The following C1RL variants were observed in gnomAD, a reference collection of about 807,000 sequenced individuals.
C1RL encodes complement C1r subcomponent like.
A neutral mutation model predicts 27.9 loss-of-function variants in C1RL; 27 were observed. The observed-to-expected ratio is 0.97, with a 90% confidence interval of 0.71 to 1.33. The LOEUF (loss-of-function observed/expected upper bound fraction) is 1.33. C1RL is among the 40% of genes most tolerant of loss of function. C1RL has a pLI of 0.00. For synonymous variants in C1RL, 248 were observed against 252.1 expected (o/e 0.98, Z 0.15); for missense variants, 563 against 623.9 (o/e 0.90, Z 1.04).
intron 5 of C1RL, among the ~76,000 whole-genome samples, chr12:7,099,053 A>AAAAAT (rs1342294175): frequency 1.4e-5 from 2 of 147,118 alleles, no homozygotes; most frequent in African/African-American, 5.1e-5. Flanking sequence ...AAAAAAAAAA[A>AAAAAT]AAAATAAAAT....
rs141631026 is a variant in C1RL, at chr12:7,096,718, G to C, written c.1137C>G (p.Gly379=). 2.0e-4 allele frequency: 318 copies of C among 1,613,652 alleles called. No individual in the cohort carries two copies. Among genetic ancestry groups the C allele is most frequent in the Non-Finnish European group, 2.2e-4 (257 of 1,179,822 alleles). The change falls in exon 6 of 6, where the codon GGC becomes GGG. Residue 379 remains glycine, a synonymous_variant. Coordinates refer to ENST00000266542, the MANE Select transcript of C1RL (RefSeq NM_016546.4). ...CAGTAGTTAGCCAGCCCATCTCCAT[G>C]CCAAACCCACTGACGTAGCCCAACA... is the stretch of plus-strand genomic sequence containing the variant. The part of the protein sequence containing the change: ...SGLLGYVSGF[G]MEMGWLTTEL...
intron 3 of C1RL, 53 bp downstream of exon 3, chr12:7,101,845 G>C: frequency 6.4e-7 from 1 of 1,570,348 alleles, no homozygotes; most frequent in Non-Finnish European, 8.8e-7. Flanking sequence ...AGATACCAGG[G>C]TCATGGCTGG....
chr12:7,095,128 T>G lies in C1RL; in HGVS notation c.*1263A>C. On this transcript the variant is annotated 3_prime_UTR_variant, in exon 6 of 6. Transcript: ENST00000266542. ...TGTAAATCACCTCCAATCTTTTTTT[T>G]TTGGGGGGGATGAAGTCTTGGTCTG... 1 of 1,248,542 alleles carries G rather than the reference T, an allele frequency of 8.0e-7. No individual in the cohort carries two copies. The highest frequency in any genetic ancestry group is 1.6e-5 in the African/African-American group (1 of 62,696). The allele number at this position is 1,248,542 out of a possible 1,614,324, so 77.3% of individuals were successfully genotyped here.
intron 5 of C1RL, among the ~76,000 whole-genome samples, chr12:7,098,788 G>A (rs1283158478): frequency 1.3e-5 from 2 of 152,186 alleles, no homozygotes; most frequent in Non-Finnish European, 2.9e-5. Context: ...TGGTTGTCAG[G>A]GGAGAGTTGG....
chr12:7,096,696 T>C lies in C1RL; in HGVS notation c.1159A>G (p.Thr387Ala). Residue 387 changes from threonine to alanine, a missense_variant, in exon 6 of 6, where the codon ACT (threonine) becomes GCT (alanine). Coordinates refer to ENST00000266542, the MANE Select transcript of C1RL (RefSeq NM_016546.4). ...GGCAGCCTCGAGTACTTCAGCTCAG[T>C]AGTTAGCCAGCCCATCTCCATGCCA... is the stretch of plus-strand genomic sequence containing the variant. Reference protein sequence around the residue: ...GFGMEMGWLTTELKYSRLPVA... With the variant: ...GFGMEMGWLTAELKYSRLPVA... 2 of 1,613,962 alleles carry C rather than the reference T, an allele frequency of 1.2e-6. No individual in the cohort carries two copies. The highest frequency in any genetic ancestry group is 2.2e-5 in the East Asian group (1 of 44,862).
At chr12:7,108,874 A>C in intron 1 of C1RL, 1 of 529,878 alleles carries the variant, frequency 1.9e-6, no homozygotes. Flanking sequence ...CCCTCTGGGA[A>C]GGTGCTAGAG....
At chr12:7,102,179 G>T in intron 2 of C1RL, 92 bp from the exon 3 acceptor site, 1 of 1,345,490 alleles carries the variant, frequency 7.4e-7, no homozygotes, top group Non-Finnish European at 1.0e-6. Flanking sequence ...TGTGACTCCT[G>T]CCCCATCTAG....
At chr12:7,106,750 CA>C (rs781059649) in intron 2 of C1RL, among the ~76,000 whole-genome samples, 6 of 151,802 alleles carry the variant, frequency 4.0e-5, no homozygotes, top group Non-Finnish European at 7.4e-5. Context: ...CAAAACAAAA[CA>C]AAAAAACTCC....
In C1RL at chr12:7,108,338, G is replaced by A; in HGVS notation, c.213C>T (p.Ile71=). The A allele has an allele frequency of 6.2e-7, 1 of 1,614,258 alleles. No homozygotes were observed. Among genetic ancestry groups the A allele is most frequent in the South Asian group, 1.1e-5 (1 of 91,086 alleles). Residue 71 remains isoleucine (I), a synonymous_variant, in exon 2 of 6, where the codon ATC becomes ATT. Transcript: ENST00000266542. ...TCACAGCAAAGCCCTCTGGAGCCTTGATGTCCGTGCTGCTCTCTTGGCCTT... is the reference window on the plus strand; with the variant it reads ...TCACAGCAAAGCCCTCTGGAGCCTTAATGTCCGTGCTGCTCTCTTGGCCTT... The part of the protein sequence containing the change: ...YGKGQESSTD[I]KAPEGFAVRL...
intron 2 of C1RL, among the ~76,000 whole-genome samples, chr12:7,107,431 A>C (rs1185921783): frequency 6.6e-6 from 1 of 151,980 alleles, no homozygotes; most frequent in East Asian, 1.9e-4. Flanking sequence ...CAGCCTCCCA[A>C]AGTGCTGGGA....
chr12:7,102,837 T>C (rs1938665327), intron 2 of C1RL, among the ~76,000 whole-genome samples: 1 of 152,202 alleles, frequency 6.6e-6, no homozygotes, highest in Non-Finnish European at 1.5e-5. Context: ...TCTGCTCAAA[T>C]ACCTTCCTGT....
intron 2 of C1RL, among the ~76,000 whole-genome samples, chr12:7,107,678 C>T (rs1323558125): frequency 1.3e-5 from 2 of 152,104 alleles, no homozygotes; most frequent in East Asian, 1.9e-4. Context: ...TTAGGCTGGC[C>T]TTGAACCCTG....
chr12:7,099,633 C>G, intron 5 of C1RL, 53 bp downstream of exon 5: 1 of 1,545,626 alleles, frequency 6.5e-7, no homozygotes, highest in South Asian at 1.2e-5. Context: ...CCTGTAGGTC[C>G]CAGTTGCAGC....
At chr12:7,105,822 A>C (rs147180372) in intron 2 of C1RL, among the ~76,000 whole-genome samples, 1 of 152,354 alleles carries the variant, frequency 6.6e-6, no homozygotes, top group Admixed American at 6.5e-5. Context: ...ATGAAATAAT[A>C]TGTCAGTGGA....
chr12:7,095,599 AG>A lies in C1RL; in HGVS notation c.*791del. 2 of 985,940 alleles carry A rather than the reference AG, an allele frequency of 2.0e-6. No individual in the cohort carries two copies. The highest frequency in any genetic ancestry group is 9.4e-5 in the South Asian group (2 of 21,332). 61.1% of individuals were successfully genotyped at this position (985,940 alleles called of 1,614,324 possible). A position where few individuals can be genotyped will look rare whatever the true frequency, so the allele number is the denominator to read the frequency against. ...TAGAGGATACCATTTTCGCAGAAGC[AG>A]GAATTCCCAGGGAGGGAAAATGGTA... On this transcript the variant is annotated 3_prime_UTR_variant, in exon 6 of 6. Coordinates refer to ENST00000266542, the MANE Select transcript of C1RL (RefSeq NM_016546.4).
intron 2 of C1RL, among the ~76,000 whole-genome samples, chr12:7,105,102 AG>A (rs1019379437): frequency 6.6e-6 from 1 of 152,208 alleles, no homozygotes; most frequent in African/African-American, 2.4e-5. Flanking sequence ...GAGTCCTCTC[AG>A]GGGAAACTGG....
intron 2 of C1RL, among the ~76,000 whole-genome samples, chr12:7,105,598 T>A (rs1443807887): frequency 6.6e-6 from 1 of 152,054 alleles, no homozygotes; most frequent in Non-Finnish European, 1.5e-5. Flanking sequence ...CCAAGTATTA[T>A]CAGATATCGT....
chr12:7,097,283 GT>G (rs34071292), intron 5 of C1RL, 120 bp from the exon 6 acceptor site: 124,820 of 592,364 alleles, frequency 0.21, 2,406 homozygotes, highest in East Asian at 0.37. Context: ...GGATCAGGAC[GT>G]TTTTTTTTTT....
chr12:7,107,336 T>C lies in C1RL; in HGVS notation c.300+915A>G, dbSNP rs548559603. 5.3e-4 allele frequency among the ~76,000 whole-genome samples: 80 copies of C among 152,224 alleles called. 2 individuals carry two copies. In the South Asian group the frequency reaches 0.015, roughly 28 times the overall value. ...GGTGCGTGCCACCACACTTGGCTAA[T>C]TTTTAAATTTTTTTGTAGAGATGGG... On this transcript the variant is annotated intron_variant, in intron 2 of 5. Transcript: ENST00000266542.
Sources: gnomAD v4.1 joint callset for allele counts (sites outside exome capture counted in the v4.1 genomes callset) on GRCh38, gnomAD v4.1.1 for gene constraint, MANE v1.5 for transcripts, NCBI Gene and HGNC (gene_info 2026-07-23, HGNC 2026-07-21) for gene names.